Variants in ASTN2 observed in about 807,000 individuals in gnomAD.
The protein encoded by ASTN2 is astrotactin-2.
Under a neutral mutation model 139.8 loss-of-function variants are expected in ASTN2, and 54 were observed. The observed-to-expected ratio is 0.39, with a 90% CI of 0.31 to 0.48. The LOEUF (loss-of-function observed/expected upper bound fraction) is 0.48, where lower values mean the gene tolerates loss of function less well. ASTN2 is among the 20% of genes least tolerant of loss of function. The pLI, the probability that ASTN2 is intolerant of heterozygous loss-of-function variation, is 0.95. For missense variants in ASTN2, 1,565 were observed against 1,725.1 expected (o/e 0.91, Z 1.64); for synonymous variants, 756 against 719.5 (o/e 1.05, Z -0.81).
At chr9:116,754,615 G>C (rs991275194) in intron 13 of ASTN2, among the ~76,000 whole-genome samples, 1 of 152,158 alleles carries the variant, frequency 6.6e-6, no homozygotes, top group Non-Finnish European at 1.5e-5. Context: ...TGGCAGAGTT[G>C]AGTAGTTGTG....
intron 3 of ASTN2, among the ~76,000 whole-genome samples, chr9:117,142,779 T>G (rs746084800): frequency 5.4e-4 from 82 of 152,276 alleles, no homozygotes; most frequent in Non-Finnish European, 1.1e-3. Context: ...AAAGAAAAAT[T>G]GCTGAATAGC....
intron 7 of ASTN2, among the ~76,000 whole-genome samples, chr9:117,000,675 C>A (rs1197371772): frequency 6.6e-6 from 1 of 151,738 alleles, no homozygotes; most frequent in Non-Finnish European, 1.5e-5. Flanking sequence ...TGGGAAGGAG[C>A]ATAATGTCAC....
At chr9:117,332,265 C>A (rs908074371) in intron 1 of ASTN2, among the ~76,000 whole-genome samples, 14 of 152,146 alleles carry the variant, frequency 9.2e-5, no homozygotes, top group Non-Finnish European at 1.5e-4. Flanking sequence ...ACTTTCACAA[C>A]AAGCCTACAA....
At position 116,977,872 on chromosome 9, in the gene ASTN2, A is replaced by G. The variant is rs563949876; in HGVS notation, c.1592-1087T>C. ...GCTGGGATTACAGGCATGCACCACC[A>G]TGCCCAGGTAATTTTTGTATTTTTG... On this transcript the variant is annotated intron_variant, in intron 7 of 22. Transcript: ENST00000313400. Among the ~76,000 whole-genome samples, 4 of 151,816 alleles carry G rather than the reference A, an allele frequency of 2.6e-5. No individual in the cohort carries two copies. In the South Asian group the frequency reaches 8.3e-4, roughly 32 times the overall value.
intron 13 of ASTN2, among the ~76,000 whole-genome samples, chr9:116,773,430 T>A (rs905636507): frequency 3.9e-5 from 6 of 151,994 alleles, no homozygotes; most frequent in African/African-American, 4.8e-5. Context: ...TGTAGTCAGG[T>A]GGGGAGGTCA....
chr9:116,430,807 G>A (rs527398039), intron 22 of ASTN2, among the ~76,000 whole-genome samples: 43 of 152,350 alleles, frequency 2.8e-4, no homozygotes, highest in Non-Finnish European at 5.3e-4. Flanking sequence ...GGAGGTGCTC[G>A]AAGGCTGGGG....
Position 117,119,836 on chromosome 9 carries a change from T to G in ASTN2, c.1168+21490A>C, listed in dbSNP as rs183742053. 1.1e-3 allele frequency among the ~76,000 whole-genome samples: 165 copies of G among 151,640 alleles called. 2 individuals carry two copies. The highest frequency in any genetic ancestry group is 9.5e-3 in the Admixed American group (144 of 15,196). ...CCTGAATTTCATAGGAAGATGGGGT[T>G]TGACTTTAGAAGCTTTCCTATGGGT... is the stretch of plus-strand genomic sequence containing the variant. On this transcript the variant is annotated intron_variant, in intron 4 of 22. Coordinates refer to ENST00000313400, the MANE Select transcript of ASTN2 (RefSeq NM_001365068.1).
chr9:116,910,735 C>G (rs555137167), intron 10 of ASTN2, among the ~76,000 whole-genome samples: 1 of 152,072 alleles, frequency 6.6e-6, no homozygotes, highest in Non-Finnish European at 1.5e-5. Context: ...AGTTAATAGA[C>G]TTGATTCTTC....
chr9:116,499,605 C>A (rs1346044277), intron 19 of ASTN2, among the ~76,000 whole-genome samples: 1 of 152,068 alleles, frequency 6.6e-6, no homozygotes, highest in Non-Finnish European at 1.5e-5. Context: ...TGGTAAGGTA[C>A]CTGGCCTGTC....
chr9:116,933,625 G>T (rs1202786986), intron 10 of ASTN2, among the ~76,000 whole-genome samples: 1 of 151,912 alleles, frequency 6.6e-6, no homozygotes, highest in East Asian at 1.9e-4. Flanking sequence ...TTACTTATTG[G>T]CAAGGATTGT....
intron 3 of ASTN2, among the ~76,000 whole-genome samples, chr9:117,203,197 C>T (rs904999677): frequency 6.6e-6 from 1 of 151,912 alleles, no homozygotes; most frequent in Non-Finnish European, 1.5e-5. Context: ...GGTCATTTAT[C>T]TTCTTCTCTA....
Position 117,077,468 on chromosome 9 carries a change from C to T in ASTN2, c.1276+18576G>A, listed in dbSNP as rs577115360. Among the ~76,000 whole-genome samples the T allele has an allele frequency of 3.7e-4, 57 of 152,284 alleles. No homozygotes were observed. The South Asian group carries it at 7.2e-3, about 19-fold the overall frequency. ...AGCTATAAAGTAAGTAAGGAGCTGG[C>T]CGGGTGCGGTAGCTCATGCTTGTAA... is the stretch of plus-strand genomic sequence containing the variant. On this transcript the variant is annotated intron_variant, in intron 5 of 22. Transcript: ENST00000313400.
intron 10 of ASTN2, among the ~76,000 whole-genome samples, chr9:116,928,335 C>G (rs990046428): frequency 1.4e-4 from 21 of 152,072 alleles, no homozygotes; most frequent in African/African-American, 4.3e-4. Flanking sequence ...TTAACCATTA[C>G]AGTATAATAT....
intron 20 of ASTN2, among the ~76,000 whole-genome samples, chr9:116,476,695 G>C (rs566462227): frequency 2.0e-4 from 31 of 152,314 alleles, no homozygotes; most frequent in African/African-American, 7.5e-4. Context: ...TCTGTTTCCA[G>C]ATGTTTCCTG....
At chr9:116,772,196 A>G (rs1485278958) in intron 13 of ASTN2, among the ~76,000 whole-genome samples, 1 of 152,188 alleles carries the variant, frequency 6.6e-6, no homozygotes, top group Non-Finnish European at 1.5e-5. Flanking sequence ...CCCAAATCTC[A>G]TCTTGAATTT....
intron 3 of ASTN2, among the ~76,000 whole-genome samples, chr9:117,203,094 ACT>A (rs2132994555): frequency 6.6e-6 from 1 of 151,152 alleles, no homozygotes; most frequent in African/African-American, 2.4e-5. Context: ...TTGTCATCAA[ACT>A]CTGATATCCT....
intron 2 of ASTN2, among the ~76,000 whole-genome samples, chr9:117,288,843 G>A (rs1415641082): frequency 6.6e-6 from 1 of 152,150 alleles, no homozygotes; most frequent in Non-Finnish European, 1.5e-5. Context: ...TGGAATAAAA[G>A]GGTATAATAA....
Position 117,166,288 on chromosome 9 carries a change from G to T in ASTN2, c.1016-24810C>A, listed in dbSNP as rs560638292. Reference sequence around the variant, plus strand: ...GGGTCAGGTCACAAAGGAGAGCCCAGCAAATCCTCCGGTATGGCTCCCCTG... The same window carrying T: ...GGGTCAGGTCACAAAGGAGAGCCCATCAAATCCTCCGGTATGGCTCCCCTG... On this transcript the variant is annotated intron_variant, in intron 3 of 22. Coordinates refer to ENST00000313400, the MANE Select transcript of ASTN2 (RefSeq NM_001365068.1). 3.3e-5 allele frequency among the ~76,000 whole-genome samples: 5 copies of T among 152,148 alleles called. No homozygotes were observed. The East Asian group carries it at 9.7e-4, about 30-fold the overall frequency.
intron 5 of ASTN2, among the ~76,000 whole-genome samples, chr9:117,046,914 T>G (rs969959864): frequency 1.3e-5 from 2 of 152,222 alleles, no homozygotes; most frequent in African/African-American, 4.8e-5. Context: ...ATTGGTATTT[T>G]TTTCTAGCAA....
Sources: gnomAD v4.1 joint callset for allele counts (sites outside exome capture counted in the v4.1 genomes callset) on GRCh38, gnomAD v4.1.1 for gene constraint, MANE v1.5 for transcripts, NCBI Gene and HGNC (gene_info 2026-07-23, HGNC 2026-07-21) for gene names.